Variants in SLC9C2 observed in about 807,000 individuals in gnomAD.
The protein encoded by SLC9C2 is sodium/hydrogen exchanger 11.
Under a neutral mutation model 140.2 loss-of-function variants are expected in SLC9C2, and 75 were observed. The ratio of observed to expected loss-of-function variants is 0.53; its 90% CI spans 0.44 to 0.65. The LOEUF (loss-of-function observed/expected upper bound fraction) is 0.65, where lower values mean the gene tolerates loss of function less well. SLC9C2 is among the 30% of genes least tolerant of loss of function. SLC9C2 has a pLI of 0.00. For synonymous variants in SLC9C2, 375 were observed against 420.9 expected, an observed-to-expected ratio of 0.89 and a Z score of 1.34; for missense variants, 1,074 against 1,331.8, an observed-to-expected ratio of 0.81 and a Z score of 3.01.
At chr1:173,564,551 T>C (rs1469479196) in intron 9 of SLC9C2, among the ~76,000 whole-genome samples, 1 of 152,170 alleles carries the variant, frequency 6.6e-6, no homozygotes, top group Non-Finnish European at 1.5e-5. Flanking sequence ...AATCAGATTG[T>C]TAGATGTTTT....
intron 9 of SLC9C2, among the ~76,000 whole-genome samples, chr1:173,566,622 A>G (rs1664489159): frequency 6.6e-6 from 1 of 151,948 alleles, no homozygotes; most frequent in African/African-American, 2.4e-5. Flanking sequence ...CTTTTCAAAA[A>G]ACCAACTTTT....
At chr1:173,593,262 C>T (rs992935285) in intron 4 of SLC9C2, among the ~76,000 whole-genome samples, 7 of 152,286 alleles carry the variant, frequency 4.6e-5, no homozygotes, top group Non-Finnish European at 1.5e-5. Context: ...TGGCTTATGC[C>T]TGTAATCCCA....
At chr1:173,583,655 T>C in intron 5 of SLC9C2, 33 bp from the exon 6 acceptor site, 1 of 1,069,740 alleles carries the variant, frequency 9.3e-7, no homozygotes, top group Non-Finnish European at 1.4e-6. Flanking sequence ...TAACTCAATA[T>C]GCTACATGAA....
At chr1:173,543,746 C>T (rs567332648) in intron 13 of SLC9C2, among the ~76,000 whole-genome samples, 2 of 152,148 alleles carry the variant, frequency 1.3e-5, no homozygotes, top group Non-Finnish European at 2.9e-5. Flanking sequence ...CAAAAACAAG[C>T]AATGGGGAAA....
At chr1:173,529,327 G>T (rs1661407348) in intron 18 of SLC9C2, among the ~76,000 whole-genome samples, 1 of 152,122 alleles carries the variant, frequency 6.6e-6, no homozygotes, top group African/African-American at 2.4e-5. Flanking sequence ...TCTTTTGCGA[G>T]TGACTGGTAA....
At chr1:173,564,242 T>C (rs574765171) in intron 9 of SLC9C2, among the ~76,000 whole-genome samples, 2 of 152,378 alleles carry the variant, frequency 1.3e-5, no homozygotes, top group South Asian at 4.1e-4. Flanking sequence ...TGCTGAATGA[T>C]ATAACTCTGT....
intron 13 of SLC9C2, among the ~76,000 whole-genome samples, chr1:173,537,958 T>C (rs1416606304): frequency 2.0e-5 from 3 of 152,198 alleles, no homozygotes; most frequent in East Asian, 3.8e-4. Flanking sequence ...TTTAGAAATG[T>C]TGACTCCAAC....
Position 173,557,357 on chromosome 1 carries a change from C to G in SLC9C2, c.1198G>C (p.Val400Leu). Residue 400 changes from valine (V) to leucine (L), a missense_variant, in exon 10 of 28, where the codon GTG becomes CTG. Coordinates refer to ENST00000367714, the MANE Select transcript of SLC9C2 (RefSeq NM_178527.4). ...PDVYNLAERK[V>L]EVPQMFILYV... is the part of the protein sequence containing the mutation. Reference sequence around the variant, plus strand: ...TTTCCTACCATTTGTGGTACTTCCACTTTTCGTTCAGCGAGATTATAAACA... The same window carrying G: ...TTTCCTACCATTTGTGGTACTTCCAGTTTTCGTTCAGCGAGATTATAAACA... The G allele has an allele frequency of 1.2e-6, 2 of 1,612,418 alleles. No homozygotes were observed. Among genetic ancestry groups the G allele is most frequent in the Non-Finnish European group, 1.7e-6 (2 of 1,179,562 alleles).
rs1034067865 is a variant in SLC9C2, at chr1:173,561,862, G to GACACAC, written c.1047-4360_1047-4355dup. ...TAAGATACACACACACACAGACACA[G>GACACAC]ACACACACACACACACACACACACC... is the stretch of plus-strand genomic sequence containing the variant. On this transcript the variant is annotated intron_variant, in intron 9 of 27. Coordinates refer to ENST00000367714, the MANE Select transcript of SLC9C2 (RefSeq NM_178527.4). Among the ~76,000 whole-genome samples the GACACAC allele has an allele frequency of 7.1e-3, 863 of 122,280 alleles. 3 individuals are homozygous for GACACAC. Among genetic ancestry groups the GACACAC allele is most frequent in the Non-Finnish European group, 8.4e-3 (535 of 63,602 alleles). 80.2% of individuals were successfully genotyped at this position (122,280 alleles called of 152,430 possible). A position where few individuals can be genotyped will look rare whatever the true frequency, so the allele number is the denominator to read the frequency against.
chr1:173,566,928 T>G (rs1337141542), intron 9 of SLC9C2, among the ~76,000 whole-genome samples: 1 of 152,108 alleles, frequency 6.6e-6, no homozygotes, highest in Non-Finnish European at 1.5e-5. Flanking sequence ...TCTTAATTTC[T>G]TCATTGATGC....
At chr1:173,527,427 C>T (rs1373719245) in intron 18 of SLC9C2, among the ~76,000 whole-genome samples, 1 of 152,124 alleles carries the variant, frequency 6.6e-6, no homozygotes, top group African/African-American at 2.4e-5. Flanking sequence ...GGAAGCCAGC[C>T]TATCAGGAGC....
chr1:173,506,453 G>A (rs1659647290), intron 25 of SLC9C2, among the ~76,000 whole-genome samples: 1 of 152,230 alleles, frequency 6.6e-6, no homozygotes, highest in East Asian at 1.9e-4. Context: ...AGCCCCTAAT[G>A]TGTCAACAAA....
intron 18 of SLC9C2, 148 bp downstream of exon 18, chr1:173,529,757 T>C (rs997984743): frequency 1.3e-6 from 1 of 794,612 alleles, no homozygotes; most frequent in Non-Finnish European, 2.0e-6. Flanking sequence ...CTGTTCTCTG[T>C]AGCACCTCAT....
At chr1:173,550,669 C>T (rs1009352764) in intron 11 of SLC9C2, among the ~76,000 whole-genome samples, 1 of 151,494 alleles carries the variant, frequency 6.6e-6, no homozygotes, top group South Asian at 2.1e-4. Flanking sequence ...GATCTCTTGA[C>T]CTTGTGATCC....
intron 24 of SLC9C2, 98 bp from the exon 25 acceptor site, chr1:173,507,139 T>G (rs1401203118): frequency 2.1e-6 from 2 of 975,046 alleles, no homozygotes; most frequent in Non-Finnish European, 3.0e-6. Flanking sequence ...TATTTGAGGG[T>G]GTCAGAAGGT....
chr1:173,521,268 TAAAA>T lies in SLC9C2; in HGVS notation c.2739+29_2739+32del, dbSNP rs5778771. ...TACATGTTTCAAAATACATTTTAAGTAAAAAAAAAAAAAAAAATCAATAGTCCCT... is the reference window on the plus strand; with the variant it reads ...TACATGTTTCAAAATACATTTTAAGTAAAAAAAAAAAAATCAATAGTCCCT... On this transcript the variant is annotated intron_variant, in intron 22 of 27. Transcript: ENST00000367714. 3,513 of 969,396 alleles carry T rather than the reference TAAAA, an allele frequency of 3.6e-3. 7 individuals are homozygous for T. Among genetic ancestry groups the T allele is most frequent in the African/African-American group, 0.022 (1,225 of 55,844 alleles). 60.0% of individuals were successfully genotyped at this position (969,396 alleles called of 1,614,324 possible).
At chr1:173,510,110 T>C (rs1261054420) in intron 23 of SLC9C2, among the ~76,000 whole-genome samples, 3 of 152,176 alleles carry the variant, frequency 2.0e-5, no homozygotes, top group Non-Finnish European at 4.4e-5. Context: ...AGATACACTT[T>C]CAGATTCAAG....
intron 7 of SLC9C2, among the ~76,000 whole-genome samples, chr1:173,578,388 T>G (rs1304535306): frequency 3.3e-5 from 5 of 152,210 alleles, no homozygotes; most frequent in Non-Finnish European, 5.9e-5. Context: ...TAAGTGAGAA[T>G]TTTATCTGCA....
chr1:173,548,278 C>T, intron 12 of SLC9C2, 111 bp downstream of exon 12: 1 of 1,072,650 alleles, frequency 9.3e-7, no homozygotes, highest in South Asian at 1.6e-5. Context: ...TATCTCCCCT[C>T]AGTTTTGTGA....
Sources: allele counts gnomAD v4.1 joint callset (sites outside exome capture counted in the v4.1 genomes callset), GRCh38; gene constraint gnomAD v4.1.1; transcripts MANE v1.5; gene names NCBI Gene and HGNC (gene_info 2026-07-23, HGNC 2026-07-21).